Variants in IQCK observed in about 807,000 individuals in gnomAD.
The protein encoded by IQCK is IQ motif containing K.
IQCK carries 29 observed loss-of-function variants against 28.1 expected under a neutral mutation model. The ratio of observed to expected loss-of-function variants is 1.03; its 90% confidence interval spans 0.77 to 1.41. IQCK has a LOEUF of 1.41. Ranked by LOEUF, IQCK falls within the 40% of genes most tolerant of loss-of-function variation. The pLI is 0.00. For missense variants in IQCK, 359 were observed against 314.7 expected, an observed-to-expected ratio of 1.14 and a Z score of -1.07; for synonymous variants, 113 against 115.1, an observed-to-expected ratio of 0.98 and a Z score of 0.12.
intron 6 of IQCK, among the ~76,000 whole-genome samples, chr16:19,781,569 G>A (rs983851193): frequency 1.1e-4 from 17 of 152,234 alleles, no homozygotes; most frequent in African/African-American, 3.9e-4. Context: ...TATGTTCACA[G>A]AAGGCTGGAA....
At chr16:19,819,709 T>C (rs1334496233) in intron 7 of IQCK, 1 of 152,166 alleles carries the variant, frequency 6.6e-6, no homozygotes, top group Non-Finnish European at 1.5e-5. Flanking sequence ...TCCTATACCT[T>C]ATTTAGAACG....
chr16:19,839,361 A>G (rs2056337948), intron 9 of IQCK, among the ~76,000 whole-genome samples: 1 of 151,816 alleles, frequency 6.6e-6, no homozygotes, highest in Admixed American at 6.6e-5. Flanking sequence ...AGGTTTTACT[A>G]TGTTGGCCAG....
intron 1 of IQCK, among the ~76,000 whole-genome samples, chr16:19,724,862 A>G (rs1212340367): frequency 6.6e-6 from 1 of 152,078 alleles, no homozygotes; most frequent in Non-Finnish European, 1.5e-5. Context: ...AATTGTTTCT[A>G]TCAGGAACAT....
intron 4 of IQCK, among the ~76,000 whole-genome samples, chr16:19,745,846 C>T (rs2054903643): frequency 6.6e-6 from 1 of 152,126 alleles, no homozygotes; most frequent in Non-Finnish European, 1.5e-5. Flanking sequence ...GTGCTGCCTG[C>T]TAGCTGGGGC....
chr16:19,855,320 A>G (rs1458981856), intron 9 of IQCK, among the ~76,000 whole-genome samples: 1 of 152,188 alleles, frequency 6.6e-6, no homozygotes, highest in Admixed American at 6.5e-5. Context: ...GGCCAGGCGC[A>G]GTGGCTCACA....
intron 6 of IQCK, among the ~76,000 whole-genome samples, chr16:19,774,949 G>C (rs958590527): frequency 6.6e-6 from 1 of 152,124 alleles, no homozygotes; most frequent in African/African-American, 2.4e-5. Flanking sequence ...AAGGCCGGGC[G>C]TGGTGTCTTA....
chr16:19,854,715 C>T (rs1373301913), intron 9 of IQCK, among the ~76,000 whole-genome samples: 1 of 152,202 alleles, frequency 6.6e-6, no homozygotes, highest in Non-Finnish European at 1.5e-5. Flanking sequence ...CTGCTGGCTT[C>T]CAATAGGCTA....
At chr16:19,735,591 A>G (rs1266714754) in intron 4 of IQCK, 141 bp downstream of exon 4, 2 of 683,360 alleles carry the variant, frequency 2.9e-6, no homozygotes, top group African/African-American at 1.8e-5. Context: ...GGGGTCACTT[A>G]CCCAGTTCCA....
intron 1 of IQCK, among the ~76,000 whole-genome samples, chr16:19,726,397 G>A (rs1977657713): frequency 6.6e-6 from 1 of 152,078 alleles, no homozygotes; most frequent in Admixed American, 6.6e-5. Context: ...AAACTTTTTG[G>A]AGAAAAGTTT....
intron 9 of IQCK, among the ~76,000 whole-genome samples, chr16:19,841,249 A>G (rs1020174095): frequency 6.6e-6 from 1 of 152,206 alleles, no homozygotes; most frequent in Non-Finnish European, 1.5e-5. Context: ...AACCTTTTCA[A>G]AAATGCCTTA....
At chr16:19,793,677 A>C (rs2055657930) in intron 7 of IQCK, among the ~76,000 whole-genome samples, 1 of 40,674 alleles carries the variant, frequency 2.5e-5, no homozygotes, top group African/African-American at 7.9e-5. Context: ...TTTTTTTGTG[A>C]AATTAACAAG....
At chr16:19,755,609 A>T (rs1302883405) in intron 4 of IQCK, among the ~76,000 whole-genome samples, 1 of 152,166 alleles carries the variant, frequency 6.6e-6, no homozygotes, top group East Asian at 1.9e-4. Flanking sequence ...TAGAACCGGA[A>T]CCAGAACCGT....
chr16:19,839,150 T>C (rs1218674694), intron 9 of IQCK, among the ~76,000 whole-genome samples: 1 of 151,290 alleles, frequency 6.6e-6, no homozygotes, highest in Non-Finnish European at 1.5e-5. Context: ...AGAAAATTTA[T>C]TTATTTATTT....
chr16:19,838,582 A>G (rs1198675741), intron 9 of IQCK, among the ~76,000 whole-genome samples: 2 of 152,180 alleles, frequency 1.3e-5, no homozygotes, highest in African/African-American at 2.4e-5. Context: ...ACAGGACAGC[A>G]TTGCCTACCT....
chr16:19,853,786 C>T (rs1987130), intron 9 of IQCK, among the ~76,000 whole-genome samples: 25,934 of 152,198 alleles, frequency 0.17, 3,039 homozygotes, highest in East Asian at 0.52. Context: ...CCTGCCACCA[C>T]GCCCAGCTAA....
chr16:19,855,318 G>T (rs1047510093), intron 9 of IQCK, among the ~76,000 whole-genome samples: 4 of 152,176 alleles, frequency 2.6e-5, no homozygotes, highest in African/African-American at 9.6e-5. Flanking sequence ...AGGGCCAGGC[G>T]CAGTGGCTCA....
At chr16:19,753,148 C>T (rs1597520959) in intron 4 of IQCK, among the ~76,000 whole-genome samples, 1 of 151,820 alleles carries the variant, frequency 6.6e-6, no homozygotes, top group South Asian at 2.1e-4. Flanking sequence ...GGCATAGTGT[C>T]TCATGCCTGT....
chr16:19,784,526 AC>A (rs1369359894), intron 6 of IQCK, among the ~76,000 whole-genome samples: 4 of 151,976 alleles, frequency 2.6e-5, no homozygotes, highest in African/African-American at 9.7e-5. Flanking sequence ...GCAACTACTC[AC>A]TCCACAAGTA....
intron 6 of IQCK, among the ~76,000 whole-genome samples, chr16:19,782,775 G>A (rs2055505624): frequency 6.6e-6 from 1 of 152,154 alleles, no homozygotes; most frequent in South Asian, 2.1e-4. Flanking sequence ...TGAACTGGAT[G>A]AAGAAATTGA....
Sources: allele counts gnomAD v4.1 joint callset (sites outside exome capture counted in the v4.1 genomes callset), GRCh38; gene constraint gnomAD v4.1.1; transcripts MANE v1.5; gene names NCBI Gene and HGNC (gene_info 2026-07-23, HGNC 2026-07-21).